The following CLTA variants were observed in gnomAD, a reference collection of about 807,000 sequenced individuals.
CLTA encodes clathrin light chain A.
In CLTA, 9 loss-of-function variants were observed where a neutral mutation model predicts 26.9. The observed-to-expected ratio is 0.33, with a 90% CI of 0.20 to 0.58. CLTA has a LOEUF of 0.58. Ranked by LOEUF, CLTA falls within the 20% of genes least tolerant of loss-of-function variation. CLTA has a pLI of 0.85. For synonymous variants in CLTA, 120 were observed against 115.5 expected, an observed-to-expected ratio of 1.04 and a Z score of -0.25; for missense variants, 278 against 294.2, an observed-to-expected ratio of 0.94 and a Z score of 0.40.
At chr9:36,204,370 C>T (rs1490258220) in intron 4 of CLTA, among the ~76,000 whole-genome samples, 191 bp downstream of exon 4, 1 of 152,158 alleles carries the variant, frequency 6.6e-6, no homozygotes, top group African/African-American at 2.4e-5. Context: ...GTTTAGCCAT[C>T]CCAATTGTAG....
intron 3 of CLTA, 92 bp from the exon 4 acceptor site, chr9:36,203,976 C>T: frequency 6.5e-7 from 1 of 1,548,294 alleles, no homozygotes; most frequent in East Asian, 2.4e-5. Context: ...GACCTGCACC[C>T]ACCACAAGTT....
intron 3 of CLTA, among the ~76,000 whole-genome samples, chr9:36,200,347 A>T (rs532872022): frequency 1.3e-5 from 2 of 152,186 alleles, no homozygotes; most frequent in African/African-American, 2.4e-5. Context: ...CACACACACA[A>T]ATTGTTTTGG....
intron 3 of CLTA, among the ~76,000 whole-genome samples, chr9:36,199,519 G>A (rs766587161): frequency 2.7e-5 from 4 of 149,406 alleles, no homozygotes; most frequent in African/African-American, 5.0e-5. Flanking sequence ...GTGCGATCTC[G>A]GCTCATTGCA....
upstream of CLTA, chr9:36,190,898 G>T: frequency 7.7e-7 from 1 of 1,303,578 alleles, no homozygotes; most frequent in Non-Finnish European, 1.0e-6. Flanking sequence ...CGCCTAGACC[G>T]ACCGGATACA....
At position 36,199,216 on chromosome 9, in the gene CLTA, T is replaced by C. The variant is rs3736987; in HGVS notation, c.373+120T>C. On this transcript the variant is annotated intron_variant, in intron 3 of 4. Transcript: ENST00000345519. ...TCATTGTCTGGTCTTTGGGAAGATA[T>C]CTTCTCAGCCTGAAGGTTACAAGGC... is the stretch of plus-strand genomic sequence containing the variant. The C allele has an allele frequency of 6.6e-4, 482 of 732,908 alleles. 4 individuals are homozygous for C. The East Asian group carries it at 0.012, about 19-fold the overall frequency. 45.4% of individuals were successfully genotyped at this position (732,908 alleles called of 1,614,324 possible).
intron 4 of CLTA, among the ~76,000 whole-genome samples, chr9:36,207,813 G>A (rs2132943889): frequency 6.6e-6 from 1 of 152,294 alleles, no homozygotes; most frequent in East Asian, 1.9e-4. Context: ...CTCTTCTTGT[G>A]GAGGGAAACC....
intron 1 of CLTA, among the ~76,000 whole-genome samples, chr9:36,192,621 T>A (rs552681183): frequency 2.0e-4 from 31 of 152,114 alleles, no homozygotes; most frequent in Non-Finnish European, 3.4e-4. Context: ...CATTGGGTGG[T>A]CTCTAACATT....
At chr9:36,208,479 G>C (rs1329502262) in intron 4 of CLTA, among the ~76,000 whole-genome samples, 4 of 152,194 alleles carry the variant, frequency 2.6e-5, no homozygotes, top group African/African-American at 9.7e-5. Flanking sequence ...GCCATATTCA[G>C]GAACAACAGA....
chr9:36,192,542 G>A (rs1234547455), intron 1 of CLTA, among the ~76,000 whole-genome samples: 3 of 152,120 alleles, frequency 2.0e-5, no homozygotes, highest in East Asian at 1.9e-4. Flanking sequence ...ACTTTATAGC[G>A]GGTAGGTTGG....
At chr9:36,196,347 T>C (rs1385083595) in intron 1 of CLTA, among the ~76,000 whole-genome samples, 1 of 151,062 alleles carries the variant, frequency 6.6e-6, no homozygotes, top group Non-Finnish European at 1.5e-5. Context: ...TTTTTCTTTT[T>C]TTTTTTTTTT....
intron 4 of CLTA, chr9:36,210,505 A>C (rs1355316056): frequency 3.7e-5 from 57 of 1,531,294 alleles, no homozygotes; most frequent in Non-Finnish European, 5.0e-5. Context: ...GCACGTCCCC[A>C]AGCACAGATA....
At chr9:36,199,484 C>G (rs1190247267) in intron 3 of CLTA, among the ~76,000 whole-genome samples, 2 of 149,058 alleles carry the variant, frequency 1.3e-5, no homozygotes, top group African/African-American at 5.0e-5. Flanking sequence ...AAGTCTCACT[C>G]TGTTACCCAG....
chr9:36,196,799 G>A (rs1827073596), intron 1 of CLTA, among the ~76,000 whole-genome samples: 1 of 152,204 alleles, frequency 6.6e-6, no homozygotes, highest in African/African-American at 2.4e-5. Context: ...ATGCCTTAAA[G>A]TGGTAAAAGG....
intron 1 of CLTA, among the ~76,000 whole-genome samples, chr9:36,192,781 ACATTCTGTTG>A (rs1826808730): frequency 6.6e-6 from 1 of 152,172 alleles, no homozygotes; most frequent in Non-Finnish European, 1.5e-5. Context: ...AGAATATACC[ACATTCTGTTG>A]CAGTGTTTAG....
At chr9:36,194,305 G>T (rs956907317) in intron 1 of CLTA, among the ~76,000 whole-genome samples, 7 of 152,236 alleles carry the variant, frequency 4.6e-5, no homozygotes, top group Non-Finnish European at 1.0e-4. Context: ...GGAATTACAG[G>T]TGTGAACCAC....
rs1335818056 is a variant in CLTA at position 36,207,571 on chromosome 9, GC to G, written c.485+3396del. ...CCTCCCCTCTCCTAAGCCTCCCTGAGCCCCTTCCTGCCTTGGCTGAGGATTG... is the reference window on the plus strand; with the variant it reads ...CCTCCCCTCTCCTAAGCCTCCCTGAGCCCTTCCTGCCTTGGCTGAGGATTG... On this transcript the variant is annotated intron_variant, in intron 4 of 4. Coordinates refer to ENST00000345519, the MANE Select transcript of CLTA (RefSeq NM_001833.4). 3.9e-5 allele frequency among the ~76,000 whole-genome samples: 6 copies of G among 152,296 alleles called. No individual in the cohort carries two copies. In the East Asian group the frequency reaches 1.2e-3, roughly 29 times the overall value.
intron 3 of CLTA, among the ~76,000 whole-genome samples, chr9:36,199,861 G>T (rs1485027391): frequency 6.6e-6 from 1 of 152,168 alleles, no homozygotes; most frequent in Admixed American, 6.5e-5. Context: ...TCTCTGTAAG[G>T]TAAGTTTTAC....
intron 4 of CLTA, among the ~76,000 whole-genome samples, chr9:36,210,098 C>CT (rs1279958269): frequency 7.5e-6 from 1 of 133,156 alleles, no homozygotes; most frequent in African/African-American, 2.9e-5. Context: ...TTTTTTTTTT[C>CT]TTTTTTTCTT....
At chr9:36,208,351 C>T (rs1207895532) in intron 4 of CLTA, among the ~76,000 whole-genome samples, 1 of 152,136 alleles carries the variant, frequency 6.6e-6, no homozygotes, top group East Asian at 1.9e-4. Flanking sequence ...GAGAGCCCTG[C>T]CATGTTGAGA....
Sources: allele counts gnomAD v4.1 joint callset (sites outside exome capture counted in the v4.1 genomes callset), GRCh38; gene constraint gnomAD v4.1.1; transcripts MANE v1.5; gene names NCBI Gene and HGNC (gene_info 2026-07-23, HGNC 2026-07-21).